HECW2: variants seen among roughly 807,000 people sequenced by gnomAD.
The protein encoded by HECW2 is E3 ubiquitin-protein ligase HECW2.
In HECW2, 61 loss-of-function variants were observed where a neutral mutation model predicts 175.2. That is an observed-to-expected ratio of 0.35 (90% CI 0.28 to 0.43). The LOEUF is 0.43. Among genes scored for constraint, HECW2 ranks in the 20% least tolerant of loss-of-function variants. The pLI is 1.00. For synonymous variants in HECW2, 671 were observed against 731.0 expected, an observed-to-expected ratio of 0.92 and a Z score of 1.32; for missense variants, 1,524 against 2,000.5, an observed-to-expected ratio of 0.76 and a Z score of 4.54.
chr2:196,469,257 A>C (rs1388133378), intron 1 of HECW2, among the ~76,000 whole-genome samples: 1 of 152,122 alleles, frequency 6.6e-6, no homozygotes, highest in East Asian at 1.9e-4. Context: ...ATGTAGAGAC[A>C]ACTAAACAGA....
intron 1 of HECW2, among the ~76,000 whole-genome samples, chr2:196,487,058 A>G (rs1575598660): frequency 6.6e-6 from 1 of 151,102 alleles, no homozygotes. Flanking sequence ...CTGCGGCAGG[A>G]GAATCGCTTG....
chr2:196,521,393 G>T (rs1187344488), intron 1 of HECW2, among the ~76,000 whole-genome samples: 1 of 149,976 alleles, frequency 6.7e-6, no homozygotes, highest in Non-Finnish European at 1.5e-5. Context: ...TAAAAAATTT[G>T]CTTCCCAATT....
At chr2:196,253,178 C>A (rs926321590) in intron 19 of HECW2, among the ~76,000 whole-genome samples, 26 of 152,320 alleles carry the variant, frequency 1.7e-4, no homozygotes, top group Admixed American at 1.6e-3. Context: ...AAAGAACATA[C>A]AGCAGCTTAG....
At chr2:196,361,762 G>C (rs2105884546) in intron 2 of HECW2, 1 of 977,096 alleles carries the variant, frequency 1.0e-6, no homozygotes, top group East Asian at 1.1e-4. Flanking sequence ...GCTGGACAAG[G>C]AAATCAAGTG....
intron 1 of HECW2, among the ~76,000 whole-genome samples, chr2:196,579,128 T>C (rs1690670008): frequency 6.6e-6 from 1 of 152,086 alleles, no homozygotes; most frequent in Admixed American, 6.5e-5. Context: ...TTGATTAATC[T>C]GAACTAGGTT....
At chr2:196,434,200 G>A (rs145705206) in intron 1 of HECW2, among the ~76,000 whole-genome samples, 32 of 152,330 alleles carry the variant, frequency 2.1e-4, no homozygotes, top group Admixed American at 5.9e-4. Flanking sequence ...GTCTACAACA[G>A]TGCCTGCTAC....
chr2:196,259,297 C>G (rs527759043), intron 17 of HECW2, among the ~76,000 whole-genome samples: 6 of 152,276 alleles, frequency 3.9e-5, no homozygotes, highest in Non-Finnish European at 8.8e-5. Flanking sequence ...TTTATATTCC[C>G]AAATTTGAAA....
At chr2:196,378,219 C>T (rs1363878511) in intron 2 of HECW2, among the ~76,000 whole-genome samples, 1 of 152,134 alleles carries the variant, frequency 6.6e-6, no homozygotes, top group African/African-American at 2.4e-5. Flanking sequence ...CACTTTAATT[C>T]CCATTGCCTA....
intron 1 of HECW2, among the ~76,000 whole-genome samples, chr2:196,590,324 A>C (rs1217069272): frequency 6.6e-6 from 1 of 152,224 alleles, no homozygotes; most frequent in Non-Finnish European, 1.5e-5. Context: ...GTAATGAAGC[A>C]ACCTCTGCCT....
intron 1 of HECW2, among the ~76,000 whole-genome samples, chr2:196,542,473 A>G (rs1401612069): frequency 6.6e-6 from 1 of 152,188 alleles, no homozygotes; most frequent in East Asian, 1.9e-4. Context: ...CTGACATGGG[A>G]AATTGCTCAT....
intron 1 of HECW2, among the ~76,000 whole-genome samples, chr2:196,466,600 T>G (rs1696964094): frequency 6.6e-6 from 1 of 152,220 alleles, no homozygotes; most frequent in Admixed American, 6.5e-5. Flanking sequence ...GTGAGAGGGT[T>G]GGCCAGCAGG....
chr2:196,286,105 G>A (rs12999912), intron 14 of HECW2, among the ~76,000 whole-genome samples: 68,796 of 151,958 alleles, frequency 0.45, 19,255 homozygotes, highest in Non-Finnish European at 0.62. Context: ...TTGTGAGAGC[G>A]GACTGTAATT....
At chr2:196,459,502 A>T (rs1039460127) in intron 1 of HECW2, among the ~76,000 whole-genome samples, 4 of 151,942 alleles carry the variant, frequency 2.6e-5, no homozygotes, top group Non-Finnish European at 4.4e-5. Flanking sequence ...AGCCAAGGGG[A>T]CCCCAGAAAT....
intron 1 of HECW2, among the ~76,000 whole-genome samples, chr2:196,584,425 A>G (rs1160574895): frequency 6.6e-6 from 1 of 152,198 alleles, no homozygotes; most frequent in Non-Finnish European, 1.5e-5. Context: ...CAGAAAGGCT[A>G]AACTAGTTTA....
chr2:196,283,877 T>C (rs1305925715), intron 14 of HECW2, among the ~76,000 whole-genome samples: 1 of 152,220 alleles, frequency 6.6e-6, no homozygotes, highest in African/African-American at 2.4e-5. Flanking sequence ...TCACCTTTAA[T>C]ACAGCCAGAA....
intron 10 of HECW2, among the ~76,000 whole-genome samples, chr2:196,312,438 T>C (rs1691532765): frequency 6.6e-6 from 1 of 152,234 alleles, no homozygotes; most frequent in African/African-American, 2.4e-5. Context: ...TTATAAGCTT[T>C]GTGATAAATG....
chr2:196,237,230 T>A (rs1688288111), intron 21 of HECW2, among the ~76,000 whole-genome samples: 1 of 152,134 alleles, frequency 6.6e-6, no homozygotes, highest in Non-Finnish European at 1.5e-5. Context: ...GGGGAACAGG[T>A]GGTGTTTGGT....
chr2:196,322,892 T>C (rs1007428405), intron 6 of HECW2, among the ~76,000 whole-genome samples: 3 of 152,260 alleles, frequency 2.0e-5, no homozygotes, highest in Non-Finnish European at 4.4e-5. Flanking sequence ...TTTTAGGAGA[T>C]GTTATCAAAT....
chr2:196,240,324 A>G, intron 21 of HECW2, 125 bp downstream of exon 21: 2 of 565,496 alleles, frequency 3.5e-6, no homozygotes, highest in Admixed American at 3.4e-5. Flanking sequence ...CAAAGGTTTA[A>G]GTGTATGAGA....
Sources: allele counts gnomAD v4.1 joint callset (sites outside exome capture counted in the v4.1 genomes callset), GRCh38; gene constraint gnomAD v4.1.1; transcripts MANE v1.5; gene names NCBI Gene and HGNC (gene_info 2026-07-23, HGNC 2026-07-21).